NAT16: variants seen among roughly 807,000 people sequenced by gnomAD.
NAT16 encodes probable N-acetyltransferase 16.
Under a neutral mutation model 15.9 loss-of-function variants are expected in NAT16, and 16 were observed. The observed-to-expected ratio is 1.01, with a 90% CI of 0.68 to 1.53. The LOEUF (loss-of-function observed/expected upper bound fraction) is 1.53, where lower values mean the gene tolerates loss of function less well. Among genes scored for constraint, NAT16 ranks in the 40% most tolerant of loss-of-function variants. The pLI, the probability that NAT16 is intolerant of heterozygous loss-of-function variation, is 0.00. For synonymous variants in NAT16, 260 were observed against 241.9 expected, an observed-to-expected ratio of 1.07 and a Z score of -0.69; for missense variants, 572 against 508.4, an observed-to-expected ratio of 1.13 and a Z score of -1.20.
At position 101,172,045 on chromosome 7, in the gene NAT16, G is replaced by T; in HGVS notation, c.*34C>A. 1 of 1,460,064 alleles carries T rather than the reference G, an allele frequency of 6.8e-7. No individual in the cohort carries two copies. The highest frequency in any genetic ancestry group is 2.3e-5 in the East Asian group (1 of 43,462). The allele number at this position is 1,460,064 out of a possible 1,614,324, so 90.4% of individuals were successfully genotyped here. A position where few individuals can be genotyped will look rare whatever the true frequency, so the allele number is the denominator to read the frequency against. On this transcript the variant is annotated 3_prime_UTR_variant, in exon 4 of 4. Transcript: ENST00000300303. The surrounding 1 kb of genome is among the most constrained non-coding windows in gnomAD (Gnocchi z 4.2). ...GCTGGGGAAACTGCGGAAGGGGGCG[G>T]GTCTTTTTCCCCCTCCCCGCCAGAG...
intron 1 of NAT16, among the ~76,000 whole-genome samples, chr7:101,176,576 C>G (rs1181625199): frequency 6.6e-6 from 1 of 150,536 alleles, no homozygotes; most frequent in East Asian, 1.9e-4. Context: ...CGCCCCCGCC[C>G]CTTTCCTTCC....
chr7:101,176,386 T>C (rs1197577855), intron 1 of NAT16, among the ~76,000 whole-genome samples: 2 of 151,062 alleles, frequency 1.3e-5, no homozygotes, highest in African/African-American at 4.9e-5. Flanking sequence ...TCCCAGCTAC[T>C]AGGGAGGCTG....
At chr7:101,178,807 C>G (rs1336320230) in intron 1 of NAT16, among the ~76,000 whole-genome samples, 1 of 141,454 alleles carries the variant, frequency 7.1e-6, no homozygotes, top group Non-Finnish European at 1.5e-5. Context: ...AGGAGAATCG[C>G]TTCAACCCGG....
intron 1 of NAT16, among the ~76,000 whole-genome samples, chr7:101,178,598 C>T (rs916739670): frequency 1.3e-5 from 2 of 149,442 alleles, no homozygotes; most frequent in East Asian, 2.0e-4. Flanking sequence ...CTTGGCCGGG[C>T]GTGGTGGCTC....
intron 1 of NAT16, among the ~76,000 whole-genome samples, chr7:101,176,720 T>C (rs1797476565): frequency 6.6e-6 from 1 of 151,968 alleles, no homozygotes; most frequent in Middle Eastern, 3.2e-3. Context: ...CAACTTCTAT[T>C]TCTGGGCCTG....
rs1198348553 is a variant in NAT16 at position 101,174,935 on chromosome 7, TTTATTTAC to T, written c.-4-132_-4-125del. 2.0e-4 allele frequency: 238 copies of T among 1,175,426 alleles called. 2 individuals are homozygous for T. The East Asian group carries it at 6.8e-3, about 33-fold the overall frequency. 72.8% of individuals were successfully genotyped at this position (1,175,426 alleles called of 1,614,324 possible). A position where few individuals can be genotyped will look rare whatever the true frequency, so the allele number is the denominator to read the frequency against. ...TAGCCTTTCTTTTTCTTTTCTTTTA[TTTATTTAC>T]TTATTTACTTATTTATTTATTTATT... is the stretch of plus-strand genomic sequence containing the variant. On this transcript the variant is annotated intron_variant, in intron 1 of 3. Coordinates refer to ENST00000300303, the MANE Select transcript of NAT16 (RefSeq NM_198571.3).
chr7:101,174,648 C>T lies in NAT16; in HGVS notation c.160G>A (p.Asp54Asn). ...SGPEAEAEPL[D>N]FVVATEREFE... ...TCCCGTTCCGTGGCCACCACGAAGTCCAATGGCTCGGCCTCAGCCTCAGGC... is the reference window on the plus strand; with the variant it reads ...TCCCGTTCCGTGGCCACCACGAAGTTCAATGGCTCGGCCTCAGCCTCAGGC... Residue 54 changes from aspartate (D) to asparagine (N), a missense_variant, in exon 2 of 4, where the codon GAC becomes AAC. Transcript: ENST00000300303. The T allele has an allele frequency of 6.2e-7, 1 of 1,614,170 alleles. No homozygotes were observed. The highest frequency in any genetic ancestry group is 8.5e-7 in the Non-Finnish European group (1 of 1,180,034).
At position 101,172,775 on chromosome 7, in the gene NAT16, A is replaced by G; in HGVS notation, c.538-124T>C. On this transcript the variant is annotated intron_variant, in intron 3 of 3. Coordinates refer to ENST00000300303, the MANE Select transcript of NAT16 (RefSeq NM_198571.3). The surrounding 1 kb of genome is among the most constrained non-coding windows in gnomAD (Gnocchi z 4.2). ...CGGGCTCCCACCTGGGTCCCTCTGG[A>G]GGAGCGACCGTGAGGGCTCCGGGCC... 1.3e-6 allele frequency: 1 copy of G among 788,210 alleles called. No individual in the cohort carries two copies. The highest frequency in any genetic ancestry group is 1.9e-6 in the Non-Finnish European group (1 of 527,640). The allele number at this position is 788,210 out of a possible 1,614,324, so 48.8% of individuals were successfully genotyped here. A position where few individuals can be genotyped will look rare whatever the true frequency, so the allele number is the denominator to read the frequency against.
Position 101,172,685 on chromosome 7 carries a change from G to C in NAT16, c.538-34C>G, listed in dbSNP as rs759895232. 14 of 1,417,602 alleles carry C rather than the reference G, an allele frequency of 9.9e-6. No homozygotes were observed. Among genetic ancestry groups the C allele is most frequent in the Non-Finnish European group, 9.2e-6 (10 of 1,088,000 alleles). 87.8% of individuals were successfully genotyped at this position (1,417,602 alleles called of 1,614,324 possible). A position where few individuals can be genotyped will look rare whatever the true frequency, so the allele number is the denominator to read the frequency against. On this transcript the variant is annotated intron_variant, in intron 3 of 3. Transcript: ENST00000300303. The surrounding 1 kb of genome is among the most constrained non-coding windows in gnomAD (Gnocchi z 4.2). ...GGCACGAGTGAGCGCGGGGAGGGGGGGCGCAGCAGGGCTGGCGAGCCCGGC... is the reference window on the plus strand; with the variant it reads ...GGCACGAGTGAGCGCGGGGAGGGGGCGCGCAGCAGGGCTGGCGAGCCCGGC...
intron 1 of NAT16, among the ~76,000 whole-genome samples, chr7:101,177,585 C>CA (rs1175441215): frequency 6.6e-6 from 1 of 152,136 alleles, no homozygotes; most frequent in Non-Finnish European, 1.5e-5. Flanking sequence ...CTCCTGGGCT[C>CA]AAGTGATCCT....
chr7:101,172,024 G>T lies in NAT16; in HGVS notation c.*55C>A. 7.7e-7 allele frequency: 1 copy of T among 1,292,138 alleles called. No individual in the cohort carries two copies. The highest frequency in any genetic ancestry group is 1.1e-6 in the Non-Finnish European group (1 of 913,256). The allele number at this position is 1,292,138 out of a possible 1,614,324, so 80.0% of individuals were successfully genotyped here. A position where few individuals can be genotyped will look rare whatever the true frequency, so the allele number is the denominator to read the frequency against. ...GAAATGGCAGGAAAGAGGCTGGCTG[G>T]GGAAACTGCGGAAGGGGGCGGGTCT... On this transcript the variant is annotated 3_prime_UTR_variant, in exon 4 of 4. Transcript: ENST00000300303. The surrounding 1 kb of genome is among the most constrained non-coding windows in gnomAD (Gnocchi z 4.2).
At chr7:101,177,261 G>A (rs1008129710) in intron 1 of NAT16, among the ~76,000 whole-genome samples, 1 of 152,216 alleles carries the variant, frequency 6.6e-6, no homozygotes, top group Non-Finnish European at 1.5e-5. Context: ...AGTCTGGGCA[G>A]AGCCAGGCTA....
chr7:101,178,970 C>T (rs1797532263), intron 1 of NAT16: 1 of 148,634 alleles, frequency 6.7e-6, no homozygotes, highest in African/African-American at 2.5e-5. Flanking sequence ...TTCTTTAAAT[C>T]TCATAAATAT....
chr7:101,173,260 A>C (rs1399212228), intron 3 of NAT16, 36 bp downstream of exon 3: 1 of 1,574,074 alleles, frequency 6.4e-7, no homozygotes, highest in African/African-American at 1.3e-5. Context: ...GCCCCAGCAG[A>C]GAGGCCCAGC....
intron 1 of NAT16, among the ~76,000 whole-genome samples, chr7:101,178,348 A>G (rs1797511331): frequency 6.6e-6 from 1 of 152,104 alleles, no homozygotes; most frequent in Non-Finnish European, 1.5e-5. Context: ...GGCGAGTAAT[A>G]AAACAGGTCA....
Position 101,172,771 on chromosome 7 carries a change from C to G in NAT16, c.538-120G>C. The stretch of plus-strand genomic sequence containing the variant: ...CCCACGGGCTCCCACCTGGGTCCCT[C>G]TGGAGGAGCGACCGTGAGGGCTCCG... On this transcript the variant is annotated intron_variant, in intron 3 of 3. Transcript: ENST00000300303. This position sits in a 1 kb window ranked among gnomAD's most constrained non-coding sequence, Gnocchi z 4.2. 1 of 823,508 alleles carries G rather than the reference C, an allele frequency of 1.2e-6. No individual in the cohort carries two copies. 51.0% of individuals were successfully genotyped at this position (823,508 alleles called of 1,614,324 possible).
At chr7:101,174,853 T>C in intron 1 of NAT16, 42 bp from the exon 2 acceptor site, 1 of 1,508,566 alleles carries the variant, frequency 6.6e-7, no homozygotes, top group Non-Finnish European at 8.8e-7. Flanking sequence ...TCAGCCCCTT[T>C]GTTTCCACAT....
At chr7:101,173,626 C>T (rs1282589402) in intron 2 of NAT16, 106 bp from the exon 3 acceptor site, 1 of 1,054,888 alleles carries the variant, frequency 9.5e-7, no homozygotes, top group African/African-American at 1.6e-5. Context: ...CTCCGCGTCA[C>T]CACCCGGGCA....
chr7:101,176,161 T>C (rs1797460572), intron 1 of NAT16, among the ~76,000 whole-genome samples: 1 of 152,146 alleles, frequency 6.6e-6, no homozygotes, highest in Admixed American at 6.6e-5. Flanking sequence ...CCCAGTTCCC[T>C]GTCCCCCCAC....
Sources: allele counts gnomAD v4.1 joint callset (sites outside exome capture counted in the v4.1 genomes callset), GRCh38; gene constraint gnomAD v4.1.1; non-coding constraint Gnocchi (gnomAD v3.1); transcripts MANE v1.5; gene names NCBI Gene and HGNC (gene_info 2026-07-23, HGNC 2026-07-21).